The following XPR1 variants were observed in gnomAD, a reference collection of about 807,000 sequenced individuals.
XPR1 encodes the protein solute carrier family 53 member 1.
A neutral mutation model predicts 87.5 loss-of-function variants in XPR1; 28 were observed. The observed-to-expected ratio is 0.32, with a 90% confidence interval of 0.24 to 0.44. The LOEUF (loss-of-function observed/expected upper bound fraction) is 0.44. Among genes scored for constraint, XPR1 ranks in the 20% least tolerant of loss-of-function variants. The pLI is 1.00. For synonymous variants in XPR1, 300 were observed against 306.1 expected (o/e 0.98, Z 0.21); for missense variants, 559 against 862.3 (o/e 0.65, Z 4.41).
intron 1 of XPR1, among the ~76,000 whole-genome samples, chr1:180,666,372 T>C (rs1655963768): frequency 6.6e-6 from 1 of 152,196 alleles, no homozygotes; most frequent in Admixed American, 6.5e-5. Flanking sequence ...TAGATCGCTT[T>C]GAGTAGTATT....
chr1:180,806,395 A>G (rs1389326137), intron 5 of XPR1, 79 bp from the exon 6 acceptor site: 2 of 1,522,304 alleles, frequency 1.3e-6, no homozygotes, highest in Admixed American at 1.8e-5. Flanking sequence ...AATATAATAT[A>G]TATAAATGGT....
chr1:180,815,996 C>G (rs1479643290), intron 7 of XPR1, among the ~76,000 whole-genome samples: 1 of 152,108 alleles, frequency 6.6e-6, no homozygotes, highest in Admixed American at 6.5e-5. Context: ...TAGAAAAATC[C>G]TAGAAACCAC....
In XPR1 at chr1:180,886,779, C is replaced by T. The variant is rs1461925836; in HGVS notation, c.*2713C>T. On this transcript the variant is annotated 3_prime_UTR_variant, in exon 15 of 15. Transcript: ENST00000367590. ...TTTCAAAAAAGGCAATGTGCACTTTCCTCTCCTAAATTTTATATGCCCTAG... is the reference window on the plus strand; with the variant it reads ...TTTCAAAAAAGGCAATGTGCACTTTTCTCTCCTAAATTTTATATGCCCTAG... 1 of 152,206 alleles carries T rather than the reference C, an allele frequency of 6.6e-6. No individual in the cohort carries two copies. Among genetic ancestry groups the T allele is most frequent in the Admixed American group, 6.5e-5 (1 of 15,276 alleles). The allele number at this position is 152,206 out of a possible 1,614,324, so 9.4% of individuals were successfully genotyped here.
Position 180,749,639 on chromosome 1 carries a change from T to TCACACACACACACACACACACACACACA in XPR1, c.122-38102_122-38075dup, listed in dbSNP as rs139363505. On this transcript the variant is annotated intron_variant, in intron 2 of 14. Transcript: ENST00000367590. ...AAAATTTATAATAAACACATATACA[T>TCACACACACACACACACACACACACACA]CACACACACACACACACACACACAC... 4.9e-4 allele frequency among the ~76,000 whole-genome samples: 70 copies of TCACACACACACACACACACACACACACA among 142,430 alleles called. 1 individual carries two copies. Among genetic ancestry groups the TCACACACACACACACACACACACACACA allele is most frequent in the African/African-American group, 1.6e-3 (63 of 38,254 alleles). The allele number at this position is 142,430 out of a possible 152,430, so 93.4% of individuals were successfully genotyped here.
chr1:180,692,151 G>A (rs1657015134), intron 2 of XPR1, among the ~76,000 whole-genome samples: 2 of 152,104 alleles, frequency 1.3e-5, no homozygotes, highest in Non-Finnish European at 2.9e-5. Flanking sequence ...GCAAAGGCAG[G>A]AGAGTAGCTT....
intron 10 of XPR1, among the ~76,000 whole-genome samples, chr1:180,836,055 A>G (rs1259347031): frequency 2.6e-5 from 4 of 152,096 alleles, no homozygotes; most frequent in Non-Finnish European, 5.9e-5. Context: ...TGACTTATCT[A>G]TCACTAAAAA....
chr1:180,842,735 T>G (rs1330246532), intron 11 of XPR1, among the ~76,000 whole-genome samples: 1 of 152,210 alleles, frequency 6.6e-6, no homozygotes, highest in Non-Finnish European at 1.5e-5. Flanking sequence ...ATTATGTTGT[T>G]CTTTCTAAGT....
intron 7 of XPR1, among the ~76,000 whole-genome samples, chr1:180,822,643 G>T (rs868314607): frequency 1.3e-5 from 2 of 152,144 alleles, no homozygotes; most frequent in Admixed American, 6.6e-5. Flanking sequence ...AAAGGAAAAA[G>T]AAACTAATAT....
chr1:180,879,982 T>G, intron 13 of XPR1, 94 bp from the exon 14 acceptor site: 1 of 1,349,370 alleles, frequency 7.4e-7, no homozygotes, highest in Non-Finnish European at 1.0e-6. Flanking sequence ...TGTTTTTGTT[T>G]CCATGAGTGG....
chr1:180,641,385 C>G (rs1038788689), intron 1 of XPR1, among the ~76,000 whole-genome samples: 3 of 152,136 alleles, frequency 2.0e-5, no homozygotes, highest in Admixed American at 6.6e-5. Context: ...CTTGTTCCTC[C>G]AGGTTTGTCC....
At chr1:180,632,407 C>A in intron 1 of XPR1, 137 bp downstream of exon 1, 1 of 1,152,652 alleles carries the variant, frequency 8.7e-7, no homozygotes, top group Non-Finnish European at 1.3e-6. Flanking sequence ...GGAGCCACTG[C>A]GGCATCCCCG....
chr1:180,819,948 A>G (rs1380371330), intron 7 of XPR1, among the ~76,000 whole-genome samples: 1 of 151,678 alleles, frequency 6.6e-6, no homozygotes, highest in African/African-American at 2.4e-5. Context: ...TGGACCCAGG[A>G]GGGGGAGGGT....
At chr1:180,793,474 G>T (rs1006417680) in intron 3 of XPR1, among the ~76,000 whole-genome samples, 1 of 148,638 alleles carries the variant, frequency 6.7e-6, no homozygotes, top group African/African-American at 2.4e-5. Flanking sequence ...CTTAATGGCT[G>T]GTTTTGTTCT....
At chr1:180,740,774 A>G (rs1304376623) in intron 2 of XPR1, among the ~76,000 whole-genome samples, 1 of 152,142 alleles carries the variant, frequency 6.6e-6, no homozygotes, top group East Asian at 1.9e-4. Flanking sequence ...ATTTAAGGTT[A>G]GGGAAATTTG....
chr1:180,762,077 C>G (rs938144679), intron 2 of XPR1, among the ~76,000 whole-genome samples: 1 of 141,860 alleles, frequency 7.0e-6, no homozygotes, highest in Admixed American at 7.7e-5. Context: ...ACACTGAGAA[C>G]ACATGGACAC....
intron 3 of XPR1, among the ~76,000 whole-genome samples, chr1:180,801,545 A>C (rs754702176): frequency 2.0e-5 from 3 of 152,226 alleles, no homozygotes; most frequent in Non-Finnish European, 4.4e-5. Context: ...GATTAAGAAT[A>C]GAGATGAATC....
chr1:180,644,308 G>A (rs1449856171), intron 1 of XPR1, among the ~76,000 whole-genome samples: 1 of 152,000 alleles, frequency 6.6e-6, no homozygotes, highest in Non-Finnish European at 1.5e-5. Flanking sequence ...TCGGGTAGGG[G>A]TGTCTTCTTC....
chr1:180,687,919 A>ATTCTGATATAATATAT (rs1656840667), intron 2 of XPR1, among the ~76,000 whole-genome samples: 1 of 151,524 alleles, frequency 6.6e-6, no homozygotes, highest in Admixed American at 6.6e-5. Flanking sequence ...TTCTGATATA[A>ATTCTGATATAATATAT]TTCTGATATA....
intron 11 of XPR1, 49 bp downstream of exon 11, chr1:180,836,765 C>G (rs1449785693): frequency 6.3e-7 from 1 of 1,584,980 alleles, no homozygotes; most frequent in South Asian, 1.1e-5. Context: ...TGGATTTTTA[C>G]TACCTGACTC....
Sources: gnomAD v4.1 joint callset for allele counts (sites outside exome capture counted in the v4.1 genomes callset) on GRCh38, gnomAD v4.1.1 for gene constraint, MANE v1.5 for transcripts, NCBI Gene and HGNC (gene_info 2026-07-23, HGNC 2026-07-21) for gene names.